Variants in DNAI4 observed in about 807,000 individuals in gnomAD.
The protein encoded by DNAI4 is dynein axonemal intermediate chain 4.
In DNAI4, 85 loss-of-function variants were observed where a neutral mutation model predicts 105.8. The observed-to-expected ratio is 0.80, with a 90% CI of 0.67 to 0.96. DNAI4 has a LOEUF of 0.96. Ranked by LOEUF, DNAI4 falls within the 40% of genes least tolerant of loss-of-function variation. The pLI is 0.00. For missense variants in DNAI4, 1,014 were observed against 1,005.6 expected, an observed-to-expected ratio of 1.01 and a Z score of -0.11; for synonymous variants, 352 against 331.5, an observed-to-expected ratio of 1.06 and a Z score of -0.67.
intron 7 of DNAI4, among the ~76,000 whole-genome samples, chr1:66,859,185 C>G (rs954536814): frequency 6.6e-6 from 1 of 152,168 alleles, no homozygotes; most frequent in Non-Finnish European, 1.5e-5. Context: ...ACATAGATAT[C>G]TCACCAAAAA....
In DNAI4 at chr1:66,874,973, T is replaced by TGCTATTTTAATTAAAA. The variant is rs574088245; in HGVS notation, c.644-37_644-36insTTTTAATTAAAATAGC. On this transcript the variant is annotated intron_variant, in intron 4 of 16. Coordinates refer to ENST00000371026, the MANE Select transcript of DNAI4 (RefSeq NM_024763.5). ...TGACTTAATTAAAATCATTTACTAA[T>TGCTATTTTAATTAAAA]TGCTATTTTTAATTTGCATTTTTCC... 1.2e-5 allele frequency: 19 copies of TGCTATTTTAATTAAAA among 1,549,216 alleles called. No homozygotes were observed. The Middle Eastern group carries it at 5.6e-4, about 46-fold the overall frequency.
chr1:66,821,981 T>C (rs377489250), intron 16 of DNAI4, among the ~76,000 whole-genome samples: 1 of 152,166 alleles, frequency 6.6e-6, no homozygotes, highest in South Asian at 2.1e-4. Flanking sequence ...TTCAGGAACA[T>C]TGGAAAATAT....
At chr1:66,855,160 G>A (rs142992458) in intron 7 of DNAI4, among the ~76,000 whole-genome samples, 1 of 152,304 alleles carries the variant, frequency 6.6e-6, no homozygotes, top group African/African-American at 2.4e-5. Flanking sequence ...TACCAGACAA[G>A]TAGGAATATC....
At chr1:66,860,310 T>C (rs1646597766) in intron 7 of DNAI4, among the ~76,000 whole-genome samples, 2 of 152,102 alleles carry the variant, frequency 1.3e-5, no homozygotes, top group Admixed American at 1.3e-4. Flanking sequence ...GTATAATACA[T>C]TCAAAGTTTA....
At chr1:66,840,329 T>C (rs1417851435) in intron 9 of DNAI4, 140 bp downstream of exon 9, 1 of 731,970 alleles carries the variant, frequency 1.4e-6, no homozygotes, top group East Asian at 2.7e-5. Flanking sequence ...GAACTTGTTT[T>C]AGGGGCATTC....
chr1:66,876,873 A>C (rs1376822704), intron 4 of DNAI4, among the ~76,000 whole-genome samples: 1 of 152,152 alleles, frequency 6.6e-6, no homozygotes, highest in Admixed American at 6.5e-5. Context: ...TAGTATGACA[A>C]TCATGGCTCC....
chr1:66,835,482 A>C (rs1370516622), intron 11 of DNAI4, 144 bp downstream of exon 11: 15 of 852,434 alleles, frequency 1.8e-5, no homozygotes, highest in Non-Finnish European at 2.5e-5. Context: ...CTGGAGAGAC[A>C]ATATGAGGGA....
At chr1:66,854,057 A>C (rs1441212393) in intron 7 of DNAI4, among the ~76,000 whole-genome samples, 1 of 152,232 alleles carries the variant, frequency 6.6e-6, no homozygotes, top group African/African-American at 2.4e-5. Flanking sequence ...AATCTACTGT[A>C]TTTCTAAATA....
Position 66,826,680 on chromosome 1 carries a change from C to T in DNAI4, c.2339+140G>A, listed in dbSNP as rs1417535584. ...CATTAATATAGCATCCTGGCATTAT[C>T]TTTATTCATAAAGGACTCTCATAAA... is the stretch of plus-strand genomic sequence containing the variant. On this transcript the variant is annotated intron_variant, in intron 15 of 16. Coordinates refer to ENST00000371026, the MANE Select transcript of DNAI4 (RefSeq NM_024763.5). 8.7e-6 allele frequency: 6 copies of T among 692,886 alleles called. No individual in the cohort carries two copies. In the African/African-American group the frequency reaches 1.1e-4, roughly 12 times the overall value. 42.9% of individuals were successfully genotyped at this position (692,886 alleles called of 1,614,324 possible).
At chr1:66,887,025 G>C (rs978759039) in intron 4 of DNAI4, among the ~76,000 whole-genome samples, 1 of 151,412 alleles carries the variant, frequency 6.6e-6, no homozygotes, top group African/African-American at 2.4e-5. Context: ...CCCTACCAAG[G>C]CCACTAGCTT....
At chr1:66,901,700 CTGCTT>C (rs1648835155) in intron 2 of DNAI4, among the ~76,000 whole-genome samples, 1 of 152,192 alleles carries the variant, frequency 6.6e-6, no homozygotes, top group South Asian at 2.1e-4. Context: ...GTTTGAAACT[CTGCTT>C]TGAAGTCTTT....
At chr1:66,892,924 G>GA (rs1349825363) in intron 3 of DNAI4, among the ~76,000 whole-genome samples, 24 of 96,648 alleles carry the variant, frequency 2.5e-4, no homozygotes, top group African/African-American at 5.3e-4. Context: ...GAAAGAAAGA[G>GA]AGAAAGAGAA....
chr1:66,815,092 AT>A (rs1645489302), intron 16 of DNAI4, among the ~76,000 whole-genome samples: 1 of 152,128 alleles, frequency 6.6e-6, no homozygotes, highest in Non-Finnish European at 1.5e-5. Context: ...GTCAGTTCCT[AT>A]TTTTTAGCCT....
intron 5 of DNAI4, among the ~76,000 whole-genome samples, chr1:66,872,289 C>T (rs977781896): frequency 4.6e-5 from 7 of 151,866 alleles, no homozygotes; most frequent in Admixed American, 2.0e-4. Context: ...AGTGCAGTGG[C>T]GTGACCTCAG....
chr1:66,913,839 A>G (rs1041210703), intron 1 of DNAI4, among the ~76,000 whole-genome samples: 1 of 151,992 alleles, frequency 6.6e-6, no homozygotes, highest in Non-Finnish European at 1.5e-5. Flanking sequence ...AAAATTAGCC[A>G]GGCGTGGTGG....
chr1:66,905,039 A>G, intron 2 of DNAI4, 162 bp downstream of exon 2: 1 of 497,116 alleles, frequency 2.0e-6, no homozygotes, highest in South Asian at 6.4e-5. Flanking sequence ...GCCAAGTGTC[A>G]ATATTATGTT....
At chr1:66,856,667 TA>T (rs1367733344) in intron 7 of DNAI4, among the ~76,000 whole-genome samples, 3 of 151,762 alleles carry the variant, frequency 2.0e-5, no homozygotes, top group African/African-American at 7.3e-5. Flanking sequence ...AAATTAGAAT[TA>T]AATAAAAGAA....
intron 4 of DNAI4, among the ~76,000 whole-genome samples, chr1:66,881,162 C>T (rs1647061761): frequency 6.6e-6 from 1 of 152,216 alleles, no homozygotes; most frequent in African/African-American, 2.4e-5. Context: ...GGGGCAGGGC[C>T]ATCATGGAGA....
chr1:66,827,124 G>T lies in DNAI4; in HGVS notation c.2113-78C>A, dbSNP rs576325778. Reference sequence around the variant, plus strand: ...TAAACTTGACCAGCAAATTAAAAATGCTAAGATTTCTAGATTTTCACACTA... The same window carrying T: ...TAAACTTGACCAGCAAATTAAAAATTCTAAGATTTCTAGATTTTCACACTA... On this transcript the variant is annotated intron_variant, in intron 14 of 16. Transcript: ENST00000371026. The T allele has an allele frequency of 7.0e-5, 88 of 1,264,698 alleles. No homozygotes were observed. The African/African-American group carries it at 1.3e-3, about 18-fold the overall frequency. The allele number at this position is 1,264,698 out of a possible 1,614,324, so 78.3% of individuals were successfully genotyped here. A position where few individuals can be genotyped will look rare whatever the true frequency, so the allele number is the denominator to read the frequency against.
Sources: gnomAD v4.1 joint callset for allele counts (sites outside exome capture counted in the v4.1 genomes callset) on GRCh38, gnomAD v4.1.1 for gene constraint, MANE v1.5 for transcripts, NCBI Gene and HGNC (gene_info 2026-07-23, HGNC 2026-07-21) for gene names.